The following ACACA variants were observed in gnomAD, a reference collection of about 807,000 sequenced individuals.
ACACA encodes acetyl-CoA carboxylase 1.
ACACA carries 103 observed loss-of-function variants against 296.1 expected under a neutral mutation model. That is an observed-to-expected ratio of 0.35 (90% CI 0.30 to 0.41). The LOEUF (loss-of-function observed/expected upper bound fraction) is 0.41, where lower values mean the gene tolerates loss of function less well. ACACA is among the 10% of genes least tolerant of loss of function. The probability of loss-of-function intolerance (pLI) is 1.00; values close to 1 mark genes in which losing one functional copy is unlikely to be tolerated. For missense variants in ACACA, 1,554 were observed against 2,989.7 expected (o/e 0.52, Z 11.20); for synonymous variants, 953 against 1,038.6 (o/e 0.92, Z 1.58).
At chr17:37,186,791 C>G (rs1028971256) in intron 39 of ACACA, among the ~76,000 whole-genome samples, 8 of 151,764 alleles carry the variant, frequency 5.3e-5, no homozygotes. Context: ...TATTTTGTAC[C>G]ATGTGTAATA....
chr17:37,092,627 T>C (rs544135659), intron 54 of ACACA, among the ~76,000 whole-genome samples: 7 of 152,352 alleles, frequency 4.6e-5, no homozygotes, highest in African/African-American at 1.4e-4. Context: ...AGCTGTTAAG[T>C]CCTCCTTAGA....
chr17:37,294,605 TAGC>T (rs2083241906), intron 3 of ACACA, among the ~76,000 whole-genome samples: 1 of 152,230 alleles, frequency 6.6e-6, no homozygotes, highest in Non-Finnish European at 1.5e-5. Flanking sequence ...ATTTCAGATA[TAGC>T]AGTTTCCACA....
Position 37,284,857 on chromosome 17 carries a change from C to T in ACACA, c.452G>A (p.Gly151Glu), listed in dbSNP as rs1406135409. 6.2e-7 allele frequency: 1 copy of T among 1,614,132 alleles called. No individual in the cohort carries two copies. The highest frequency in any genetic ancestry group is 8.5e-7 in the Non-Finnish European group (1 of 1,180,020). Residue 151 changes from glycine to glutamate, a missense_variant, in exon 4 of 56, where the codon GGA (glycine) becomes GAA (glutamate). By Grantham distance (98) the Gly-to-Glu change is moderately conservative (BLOSUM62 -2). Around this residue, in one of 16 missense-constraint regions of ACACA, gnomAD observed 40 missense variants for 92.2 expected, o/e 0.43. Coordinates refer to ENST00000616317, the MANE Select transcript of ACACA (RefSeq NM_198834.3). ...SPAEFVTRFG[G>E]NKVIEKVLIA... ...ACTTACCTTCTCAATCACTTTATTT[C>T]CCCCAAAGCGAGTAACAAATTCTGC...
intron 21 of ACACA, 145 bp from the exon 22 acceptor site, chr17:37,243,704 C>T (rs1003843705): frequency 5.7e-5 from 46 of 800,700 alleles, no homozygotes; most frequent in African/African-American, 1.0e-4. Context: ...TTGAGCCCTA[C>T]GGAACCCATG....
chr17:37,357,612 T>G (rs576734939), intron 1 of ACACA, among the ~76,000 whole-genome samples: 1 of 152,318 alleles, frequency 6.6e-6, no homozygotes, highest in East Asian at 1.9e-4. Flanking sequence ...TGTTTAATAT[T>G]CTTGGGTTCA....
At chr17:37,093,220 T>A (rs1005004200) in intron 54 of ACACA, among the ~76,000 whole-genome samples, 25 of 152,200 alleles carry the variant, frequency 1.6e-4, no homozygotes, top group African/African-American at 5.8e-4. Flanking sequence ...GGGCCTCTGT[T>A]GAGCATTCAT....
intron 1 of ACACA, among the ~76,000 whole-genome samples, chr17:37,378,905 T>TA (rs2050122841): frequency 1.3e-5 from 2 of 151,872 alleles, no homozygotes; most frequent in East Asian, 3.9e-4. Flanking sequence ...TTTAAAAAAT[T>TA]AAAAAATTAG....
At chr17:37,278,693 A>G (rs1235500892) in intron 5 of ACACA, among the ~76,000 whole-genome samples, 4 of 151,724 alleles carry the variant, frequency 2.6e-5, no homozygotes, top group African/African-American at 7.3e-5. Flanking sequence ...AGCACTTTGT[A>G]TATATATTAT....
At chr17:37,092,034 T>C (rs575701465) in intron 54 of ACACA, among the ~76,000 whole-genome samples, 2 of 151,958 alleles carry the variant, frequency 1.3e-5, no homozygotes, top group Non-Finnish European at 2.9e-5. Context: ...ACGCCTGTTA[T>C]CCCAGCAATT....
At chr17:37,392,591 C>T (rs978451388) in intron 1 of ACACA, 1 of 151,998 alleles carries the variant, frequency 6.6e-6, no homozygotes, top group African/African-American at 2.4e-5. Flanking sequence ...TCCTAAGAGT[C>T]TGAAACCATT....
chr17:37,108,723 G>A (rs1034551361), intron 52 of ACACA, among the ~76,000 whole-genome samples: 8 of 152,088 alleles, frequency 5.3e-5, no homozygotes, highest in Admixed American at 1.3e-4. Flanking sequence ...TCAGTTGTGC[G>A]CTGGTTTGTC....
chr17:37,114,634 GA>G, intron 50 of ACACA, among the ~76,000 whole-genome samples: 1 of 151,986 alleles, frequency 6.6e-6, no homozygotes, highest in East Asian at 1.9e-4. Flanking sequence ...TGAGTCCCTG[GA>G]AAACTGGATC....
At chr17:37,306,072 C>G (rs1452340887) in intron 3 of ACACA, among the ~76,000 whole-genome samples, 5 of 151,898 alleles carry the variant, frequency 3.3e-5, no homozygotes. Flanking sequence ...CCATGCCCGG[C>G]TAATTTTTTG....
In ACACA at chr17:37,391,728, G is replaced by T. The variant is rs750899305; in HGVS notation, c.38+14534C>A. ...TATCCACCAGACATACTTCTGAAAA[G>T]TTCTGCTCTATCTCAAAGACTGAAT... On this transcript the variant is annotated intron_variant, in intron 1 of 55. Coordinates refer to ENST00000616317, the MANE Select transcript of ACACA (RefSeq NM_198834.3). The T allele has an allele frequency of 3.1e-6, 5 of 1,612,256 alleles. No homozygotes were observed. The Admixed American group carries it at 5.0e-5, about 16-fold the overall frequency.
chr17:37,382,215 A>G (rs2050323953), intron 1 of ACACA, among the ~76,000 whole-genome samples: 1 of 152,036 alleles, frequency 6.6e-6, no homozygotes, highest in Non-Finnish European at 1.5e-5. Context: ...CCCTCACTAG[A>G]GGTTGGTTCC....
chr17:37,399,097 A>G (rs1017446403), intron 1 of ACACA, among the ~76,000 whole-genome samples: 3 of 151,268 alleles, frequency 2.0e-5, no homozygotes, highest in Non-Finnish European at 4.4e-5. Flanking sequence ...CTCCTGCCTC[A>G]GCCTCCCAAG....
intron 5 of ACACA, among the ~76,000 whole-genome samples, chr17:37,282,278 A>T (rs2082572959): frequency 6.6e-6 from 1 of 151,594 alleles, no homozygotes; most frequent in Non-Finnish European, 1.5e-5. Context: ...TGATGTGCCT[A>T]CTCCCCCTTC....
At chr17:37,361,337 C>G (rs1042275961) in intron 1 of ACACA, among the ~76,000 whole-genome samples, 1 of 152,012 alleles carries the variant, frequency 6.6e-6, no homozygotes, top group Non-Finnish European at 1.5e-5. Flanking sequence ...GCCAAGTCTC[C>G]CCAGGATTCT....
intron 3 of ACACA, among the ~76,000 whole-genome samples, chr17:37,323,862 T>A (rs776442817): frequency 1.3e-5 from 2 of 152,164 alleles, no homozygotes; most frequent in African/African-American, 4.8e-5. Flanking sequence ...TCAAGTGACA[T>A]CCCATAGGAG....
Sources: allele counts gnomAD v4.1 joint callset (sites outside exome capture counted in the v4.1 genomes callset), GRCh38; gene constraint gnomAD v4.1.1; regional missense constraint gnomAD v4.1.1; transcripts MANE v1.5; gene names NCBI Gene and HGNC (gene_info 2026-07-23, HGNC 2026-07-21).